Variants in SNTG1 observed in about 807,000 individuals in gnomAD.
The protein encoded by SNTG1 is syntrophin gamma 1.
In SNTG1, 39 loss-of-function variants were observed where a neutral mutation model predicts 74.7. The observed-to-expected ratio is 0.52, with a 90% CI of 0.40 to 0.68. The LOEUF is 0.68. SNTG1 is among the 30% of genes least tolerant of loss of function. The pLI is 0.00. For missense variants in SNTG1, 685 were observed against 609.5 expected, an observed-to-expected ratio of 1.12 and a Z score of -1.30; for synonymous variants, 254 against 217.1, an observed-to-expected ratio of 1.17 and a Z score of -1.49.
chr8:50,625,550 A>C (rs571073439), intron 13 of SNTG1, among the ~76,000 whole-genome samples: 2 of 152,270 alleles, frequency 1.3e-5, no homozygotes, highest in South Asian at 2.1e-4. Flanking sequence ...AAAAGAACAA[A>C]TCATTTGCTT....
chr8:50,747,560 A>C (rs767410264), intron 17 of SNTG1, among the ~76,000 whole-genome samples: 1 of 152,028 alleles, frequency 6.6e-6, no homozygotes. Flanking sequence ...TATTAGTTAT[A>C]CAATTAAGGT....
At chr8:50,342,685 A>G (rs1453828476) in intron 2 of SNTG1, among the ~76,000 whole-genome samples, 2 of 152,178 alleles carry the variant, frequency 1.3e-5, no homozygotes, top group African/African-American at 2.4e-5. Context: ...AGAACAGAAA[A>G]CTAAGAAGCT....
At chr8:50,457,900 CCTT>C (rs2093521531) in intron 8 of SNTG1, 1 of 152,344 alleles carries the variant, frequency 6.6e-6, no homozygotes, top group African/African-American at 2.4e-5. Flanking sequence ...CTGCGTTTGT[CCTT>C]CTTTCAGCTC....
intron 18 of SNTG1, among the ~76,000 whole-genome samples, chr8:50,778,813 C>G (rs56955772): frequency 0.019 from 2,939 of 151,482 alleles, 91 homozygotes; most frequent in African/African-American, 0.064. Context: ...CCTAGGTTTT[C>G]TTCTAGGGTT....
chr8:50,011,418 C>T (rs537596755), intron 1 of SNTG1, among the ~76,000 whole-genome samples: 3 of 152,222 alleles, frequency 2.0e-5, no homozygotes, highest in South Asian at 2.1e-4. Flanking sequence ...TATTTTTAAG[C>T]ACAAATATTT....
intron 1 of SNTG1, among the ~76,000 whole-genome samples, chr8:49,969,918 CTGTG>C (rs34129313): frequency 0.039 from 5,871 of 148,724 alleles, 373 homozygotes; most frequent in African/African-American, 0.13. Flanking sequence ...AATAAAAAAC[CTGTG>C]TGTGTGTGTG....
At chr8:50,541,621 A>T (rs1382097702) in intron 11 of SNTG1, among the ~76,000 whole-genome samples, 1 of 152,200 alleles carries the variant, frequency 6.6e-6, no homozygotes, top group African/African-American at 2.4e-5. Flanking sequence ...GTATACTTAC[A>T]ATATCCATCA....
intron 8 of SNTG1, among the ~76,000 whole-genome samples, chr8:50,467,829 G>A (rs1454727326): frequency 6.6e-6 from 1 of 151,852 alleles, no homozygotes; most frequent in Non-Finnish European, 1.5e-5. Flanking sequence ...TTGATAAGAT[G>A]TATTTTCACT....
intron 2 of SNTG1, among the ~76,000 whole-genome samples, chr8:50,241,146 T>G (rs2086146975): frequency 6.6e-6 from 1 of 152,224 alleles, no homozygotes; most frequent in African/African-American, 2.4e-5. Flanking sequence ...TCTGATACAC[T>G]TATACTTCCA....
intron 9 of SNTG1, among the ~76,000 whole-genome samples, chr8:50,512,795 G>A (rs547012402): frequency 6.6e-6 from 1 of 151,976 alleles, no homozygotes; most frequent in Non-Finnish European, 1.5e-5. Flanking sequence ...CTCTGCATTG[G>A]TTATTTTAGT....
intron 13 of SNTG1, among the ~76,000 whole-genome samples, chr8:50,651,415 T>C (rs2095145170): frequency 1.3e-5 from 2 of 152,170 alleles, no homozygotes; most frequent in South Asian, 4.1e-4. Flanking sequence ...TGATATTTCA[T>C]ATTTCATTGT....
rs769204430 is a variant in SNTG1 at position 49,965,301 on chromosome 8, G to A, written c.-103+53070G>A. Among the ~76,000 whole-genome samples the A allele has an allele frequency of 6.3e-4, 96 of 152,150 alleles. 3 individuals carry two copies. The highest frequency in any genetic ancestry group is 3.9e-4 in the Admixed American group (6 of 15,272). On this transcript the variant is annotated intron_variant, in intron 1 of 18. Coordinates refer to ENST00000642720, the MANE Select transcript of SNTG1 (RefSeq NM_018967.5). Reference sequence around the variant, plus strand: ...AAGGAGGCACTCAGTAGGTGATGACGATGATGTTAATGGAATGTAATACTC... The same window carrying A: ...AAGGAGGCACTCAGTAGGTGATGACAATGATGTTAATGGAATGTAATACTC...
At chr8:50,678,062 A>C (rs1400125561) in intron 15 of SNTG1, among the ~76,000 whole-genome samples, 2 of 151,978 alleles carry the variant, frequency 1.3e-5, no homozygotes, top group Non-Finnish European at 2.9e-5. Flanking sequence ...CTATGTAACA[A>C]ACCTGCACTT....
rs977915683 is a variant in SNTG1 at position 50,279,569 on chromosome 8, T to TA, written c.-28+106941dup. ...ATTTTTAAAGTATATCATGTAAATT[T>TA]AAAAAAATATTTGTTTCTCTGCCCT... On this transcript the variant is annotated intron_variant, in intron 2 of 18. Transcript: ENST00000642720. Among the ~76,000 whole-genome samples, 98 of 152,288 alleles carry TA rather than the reference T, an allele frequency of 6.4e-4. 2 individuals carry two copies. The highest frequency in any genetic ancestry group is 6.8e-3 in the Middle Eastern group (2 of 294).
At chr8:50,168,654 G>A (rs1212008750) in intron 1 of SNTG1, among the ~76,000 whole-genome samples, 1 of 152,188 alleles carries the variant, frequency 6.6e-6, no homozygotes, top group South Asian at 2.1e-4. Flanking sequence ...AGTGGAGCAT[G>A]ACAACTGTAG....
At chr8:50,787,876 G>A (rs1463157287) in intron 18 of SNTG1, among the ~76,000 whole-genome samples, 1 of 152,060 alleles carries the variant, frequency 6.6e-6, no homozygotes, top group Non-Finnish European at 1.5e-5. Context: ...CTGGGTATAG[G>A]ATATATTTTT....
intron 13 of SNTG1, among the ~76,000 whole-genome samples, chr8:50,621,253 A>G (rs1456153729): frequency 6.6e-6 from 1 of 152,140 alleles, no homozygotes; most frequent in African/African-American, 2.4e-5. Flanking sequence ...CCATGCCTCC[A>G]GGGAGATAGT....
rs1313752525 is a variant in SNTG1, at chr8:49,963,476, A to T, written c.-103+51245A>T. Among the ~76,000 whole-genome samples the T allele has an allele frequency of 2.0e-5, 3 of 152,140 alleles. 1 individual carries two copies. In the South Asian group the frequency reaches 6.2e-4, roughly 31 times the overall value. On this transcript the variant is annotated intron_variant, in intron 1 of 18. Transcript: ENST00000642720. ...GTCATAGTTTGTAAGAACTTGGTTT[A>T]TATTACTATTCCAATGCAATAGTGT...
intron 11 of SNTG1, among the ~76,000 whole-genome samples, chr8:50,549,954 C>T (rs1198403211): frequency 6.6e-6 from 1 of 152,116 alleles, no homozygotes; most frequent in Non-Finnish European, 1.5e-5. Context: ...GAACTTCAGC[C>T]ATATGTGAAA....
Sources: gnomAD v4.1 joint callset for allele counts (sites outside exome capture counted in the v4.1 genomes callset) on GRCh38, gnomAD v4.1.1 for gene constraint, MANE v1.5 for transcripts, NCBI Gene and HGNC (gene_info 2026-07-23, HGNC 2026-07-21) for gene names.